CNTN4: variants seen among roughly 807,000 people sequenced by gnomAD.
The protein encoded by CNTN4 is contactin-4.
Under a neutral mutation model 122.5 loss-of-function variants are expected in CNTN4, and 77 were observed. That is an observed-to-expected ratio of 0.63 (90% CI 0.52 to 0.76). The LOEUF is 0.76. Among genes scored for constraint, CNTN4 ranks in the 30% least tolerant of loss-of-function variants. CNTN4 has a pLI of 0.00. For missense variants in CNTN4, 1,256 were observed against 1,259.1 expected, an observed-to-expected ratio of 1.00 and a Z score of 0.04; for synonymous variants, 512 against 447.0, an observed-to-expected ratio of 1.15 and a Z score of -1.83.
Position 2,862,359 on chromosome 3 carries a change from C to T in CNTN4, c.455-4393C>T, listed in dbSNP as rs552599963. Among the ~76,000 whole-genome samples, 10 of 152,270 alleles carry T rather than the reference C, an allele frequency of 6.6e-5. No homozygotes were observed. In the South Asian group the frequency reaches 1.9e-3, roughly 28 times the overall value. ...TCTTCTTTTAAAAATAAGAGCCATA[C>T]ATCATTTGTTGTTGGCTTAGAGATA... On this transcript the variant is annotated intron_variant, in intron 7 of 24. Transcript: ENST00000418658.
chr3:2,530,304 C>T (rs1029576179), intron 3 of CNTN4, among the ~76,000 whole-genome samples: 1 of 150,054 alleles, frequency 6.7e-6, no homozygotes, highest in Non-Finnish European at 1.5e-5. Flanking sequence ...CTTCTTTCTC[C>T]TCTTCTTTTT....
At chr3:2,759,770 T>G (rs1189084803) in intron 6 of CNTN4, among the ~76,000 whole-genome samples, 1 of 152,172 alleles carries the variant, frequency 6.6e-6, no homozygotes, top group East Asian at 1.9e-4. Context: ...TTTTCCAAAT[T>G]GGCTGTATCA....
chr3:2,292,453 T>C (rs1340793030), intron 2 of CNTN4, among the ~76,000 whole-genome samples: 1 of 152,214 alleles, frequency 6.6e-6, no homozygotes, highest in African/African-American at 2.4e-5. Context: ...TTGTATGCAA[T>C]AAAATGCTCA....
At chr3:2,795,596 G>T (rs908020402) in intron 6 of CNTN4, among the ~76,000 whole-genome samples, 3 of 149,786 alleles carry the variant, frequency 2.0e-5, no homozygotes, top group African/African-American at 7.4e-5. Context: ...TCTCGGCTCA[G>T]TGCAAGCTCT....
intron 6 of CNTN4, among the ~76,000 whole-genome samples, chr3:2,774,315 C>A (rs1180024369): frequency 1.3e-5 from 2 of 151,920 alleles, no homozygotes; most frequent in Non-Finnish European, 2.9e-5. Flanking sequence ...ATTACCCCCA[C>A]CCCAATCTCC....
chr3:2,694,704 G>A (rs2085927837), intron 4 of CNTN4, among the ~76,000 whole-genome samples: 1 of 152,138 alleles, frequency 6.6e-6, no homozygotes, highest in East Asian at 1.9e-4. Flanking sequence ...ACTCCAGCCT[G>A]GGCAACAGAG....
At chr3:2,778,548 C>A (rs1022431071) in intron 6 of CNTN4, among the ~76,000 whole-genome samples, 2 of 152,068 alleles carry the variant, frequency 1.3e-5, no homozygotes, top group Admixed American at 1.3e-4. Flanking sequence ...CACTCATATT[C>A]ATTATAAAAA....
chr3:2,772,826 C>G (rs529438946), intron 6 of CNTN4, among the ~76,000 whole-genome samples: 9 of 151,898 alleles, frequency 5.9e-5, no homozygotes. Context: ...GAGAGAAAAG[C>G]AAAGGCACCT....
chr3:2,998,718 A>G (rs9862126), intron 14 of CNTN4, among the ~76,000 whole-genome samples: 7,864 of 152,302 alleles, frequency 0.052, 643 homozygotes, highest in African/African-American at 0.18. Flanking sequence ...GAAGGCTCCT[A>G]GCATATTCAG....
intron 3 of CNTN4, among the ~76,000 whole-genome samples, chr3:2,569,169 A>G (rs1334255309): frequency 1.3e-5 from 2 of 151,866 alleles, no homozygotes; most frequent in Admixed American, 6.6e-5. Context: ...TGTCTTCACA[A>G]TATATTAAGT....
chr3:2,940,842 C>A (rs1175729456), intron 13 of CNTN4, among the ~76,000 whole-genome samples: 2 of 152,090 alleles, frequency 1.3e-5, no homozygotes, highest in African/African-American at 4.8e-5. Flanking sequence ...TGATTGTGCA[C>A]TTGAGCAAAA....
intron 5 of CNTN4, 45 bp downstream of exon 5, chr3:2,736,386 T>A: frequency 6.3e-7 from 1 of 1,575,542 alleles, no homozygotes; most frequent in Non-Finnish European, 8.7e-7. Flanking sequence ...ATAGTTTCTG[T>A]TATTAAAATC....
chr3:2,559,372 T>C (rs1038247489), intron 3 of CNTN4, among the ~76,000 whole-genome samples: 1 of 152,226 alleles, frequency 6.6e-6, no homozygotes, highest in East Asian at 1.9e-4. Flanking sequence ...TGGGAGGAAA[T>C]TGGCCACTTA....
intron 3 of CNTN4, among the ~76,000 whole-genome samples, chr3:2,465,490 A>G (rs2075463861): frequency 6.6e-6 from 1 of 152,128 alleles, no homozygotes; most frequent in African/African-American, 2.4e-5. Flanking sequence ...CAGCCTGGGC[A>G]ACACGGTGAA....
chr3:2,558,902 AAGT>A (rs1336731037), intron 3 of CNTN4, among the ~76,000 whole-genome samples: 1 of 152,174 alleles, frequency 6.6e-6, no homozygotes, highest in East Asian at 1.9e-4. Context: ...GAATGGTTAA[AAGT>A]AGATTGGCAG....
In CNTN4 at chr3:2,457,490, T is replaced by C. The variant is rs182154002; in HGVS notation, c.-88-113926T>C. Among the ~76,000 whole-genome samples, 83 of 152,214 alleles carry C rather than the reference T, an allele frequency of 5.5e-4. 1 individual carries two copies. In the East Asian group the frequency reaches 0.012, roughly 22 times the overall value. On this transcript the variant is annotated intron_variant, in intron 3 of 24. Transcript: ENST00000418658. ...TAAAAATCCAAACAGTAAAGAAATA[T>C]GTAAAATGTTTATTAGGATTTTTTT...
chr3:2,634,687 A>AATAT (rs869025837), intron 4 of CNTN4, among the ~76,000 whole-genome samples: 141 of 133,148 alleles, frequency 1.1e-3, no homozygotes, highest in East Asian at 1.6e-3. Flanking sequence ...AAAAAAAAAA[A>AATAT]ATATATATAT....
chr3:2,248,422 A>G (rs2040237505), intron 2 of CNTN4, among the ~76,000 whole-genome samples: 1 of 151,980 alleles, frequency 6.6e-6, no homozygotes, highest in Admixed American at 6.6e-5. Flanking sequence ...GAATCAATCA[A>G]TCAATTTTGT....
Position 2,624,959 on chromosome 3 carries a change from C to T in CNTN4, c.55+53401C>T, listed in dbSNP as rs180913905. Among the ~76,000 whole-genome samples the T allele has an allele frequency of 2.6e-5, 4 of 152,090 alleles. No individual in the cohort carries two copies. The East Asian group carries it at 7.8e-4, about 29-fold the overall frequency. On this transcript the variant is annotated intron_variant, in intron 4 of 24. Transcript: ENST00000418658. ...CTGATTCTTAATTTTAGCTGTACTACTTAATTATATATGTGAAACTAGATA... is the reference window on the plus strand; with the variant it reads ...CTGATTCTTAATTTTAGCTGTACTATTTAATTATATATGTGAAACTAGATA...
Sources: gnomAD v4.1 joint callset for allele counts (sites outside exome capture counted in the v4.1 genomes callset) on GRCh38, gnomAD v4.1.1 for gene constraint, MANE v1.5 for transcripts, NCBI Gene and HGNC (gene_info 2026-07-23, HGNC 2026-07-21) for gene names.